The following SLX4 variants were observed in gnomAD, a reference collection of about 807,000 sequenced individuals.
The protein encoded by SLX4 is SLX4 structure-specific endonuclease subunit, also known as structure-specific endonuclease subunit SLX4.
SLX4 carries 112 observed loss-of-function variants against 146.2 expected under a neutral mutation model. That is an observed-to-expected ratio of 0.77 (90% CI 0.66 to 0.90). The LOEUF is 0.90. Ranked by LOEUF, SLX4 falls within the 40% of genes least tolerant of loss-of-function variation. The pLI is 0.00. For synonymous variants in SLX4, 1,061 were observed against 997.7 expected, an observed-to-expected ratio of 1.06 and a Z score of -1.20; for missense variants, 2,563 against 2,392.7, an observed-to-expected ratio of 1.07 and a Z score of -1.49.
At position 3,608,958 on chromosome 16, in the gene SLX4, G is replaced by C. The variant is rs751472980; in HGVS notation, c.7C>G (p.Leu3Val). The stretch of plus-strand genomic sequence containing the variant: ...CCTAGCTGAGCCTCATTCACACTCA[G>C]TTTCATTAGGGTTCTTCTCTACTTC... MK[L>V]SVNEAQLGFY... The change falls in exon 2 of 15, where the codon CTG becomes GTG. Residue 3 changes from leucine (L) to valine (V), a missense_variant. Coordinates refer to ENST00000294008, the MANE Select transcript of SLX4 (RefSeq NM_032444.4). 1 of 1,612,988 alleles carries C rather than the reference G, an allele frequency of 6.2e-7. No homozygotes were observed.
rs2151128575 is a variant in SLX4 at position 3,594,584 on chromosome 16, G to A, written c.2029C>T (p.Leu677=). ...ACCATGGCGCCAAAGTCAGCAACCA[G>A]CAGCCCGAGGGAGAGCTGAAGCAGG... is the stretch of plus-strand genomic sequence containing the variant. ...GGRTLLSLGL[L]VADFGAMVNN... Residue 677 remains leucine, a synonymous_variant, in exon 10 of 15, where the codon CTG becomes TTG. Coordinates refer to ENST00000294008, the MANE Select transcript of SLX4 (RefSeq NM_032444.4). The A allele has an allele frequency of 1.2e-6, 2 of 1,614,122 alleles. No homozygotes were observed. The highest frequency in any genetic ancestry group is 1.7e-4 in the Middle Eastern group (1 of 6,060).
chr16:3,604,615 G>A (rs2040763139), intron 3 of SLX4, among the ~76,000 whole-genome samples: 2 of 152,082 alleles, frequency 1.3e-5, no homozygotes, highest in African/African-American at 2.4e-5. Flanking sequence ...AAGGTCAGGA[G>A]TTCCAGAACA....
rs114744903 is a variant in SLX4 at position 3,606,516 on chromosome 16, T to C, written c.718A>G (p.Asn240Asp). The C allele has an allele frequency of 7.7e-4, 1,250 of 1,614,182 alleles. 7 individuals are homozygous for C. The African/African-American group carries it at 0.015, about 19-fold the overall frequency. The change falls in exon 3 of 15, where the codon AAT (asparagine) becomes GAT (aspartate). Residue 240 changes from asparagine to aspartate, a missense_variant. Asn to Asp is a conservative substitution (Grantham distance 23). Coordinates refer to ENST00000294008, the MANE Select transcript of SLX4 (RefSeq NM_032444.4). ...ECSLEAAREE[N>D]VPKDPQEEMM... ...TCCTCTTGAGGATCCTTTGGGACAT[T>C]TTCTTCCCGCGCAGCCTCGAGGGAG...
rs1284464797 is a variant in SLX4, at chr16:3,589,694, G to A, written c.3944C>T (p.Thr1315Ile). 1 of 1,613,968 alleles carries A rather than the reference G, an allele frequency of 6.2e-7. No homozygotes were observed. Among genetic ancestry groups the A allele is most frequent in the South Asian group, 1.1e-5 (1 of 91,080 alleles). Reference sequence around the variant, plus strand: ...TGAGGACGGTGTCTGGGGCGGTGGTGTCTGGGGCCTGATGACAGAAAACTT... The same window carrying A: ...TGAGGACGGTGTCTGGGGCGGTGGTATCTGGGGCCTGATGACAGAAAACTT... ...AQKFSVIRPQTPPPQTPSSCL... is the reference protein window; with the variant it reads ...AQKFSVIRPQIPPPQTPSSCL... The change falls in exon 12 of 15, where the codon ACA becomes ATA. Residue 1315 changes from threonine (T) to isoleucine (I), a missense_variant. Coordinates refer to ENST00000294008, the MANE Select transcript of SLX4 (RefSeq NM_032444.4). The surrounding 1 kb of genome is among the most constrained non-coding windows in gnomAD (Gnocchi z 6.2).
At chr16:3,603,773 T>TG (rs1263874546) in intron 3 of SLX4, among the ~76,000 whole-genome samples, 1 of 152,238 alleles carries the variant, frequency 6.6e-6, no homozygotes, top group Non-Finnish European at 1.5e-5. Flanking sequence ...ACAGCAGCTA[T>TG]GGGGCACTGT....
At chr16:3,595,268 G>A (rs1296592886) in intron 9 of SLX4, among the ~76,000 whole-genome samples, 3 of 152,226 alleles carry the variant, frequency 2.0e-5, no homozygotes, top group Admixed American at 1.3e-4. Context: ...GAGCGTGCCT[G>A]GATGGGGCAA....
rs750627839 is a variant in SLX4, at chr16:3,595,667, G to C, written c.1951C>G (p.Pro651Ala). 4 of 1,614,114 alleles carry C rather than the reference G, an allele frequency of 2.5e-6. No homozygotes were observed. The highest frequency in any genetic ancestry group is 1.6e-4 in the Middle Eastern group (1 of 6,062). ...GATGGCACCACAAACCCAGTCAGAG[G>C]AAGGCCGCCGGGCACCACGTCCAAC... ...AGLDVVPGGL[P>A]LTGFVVPSQD... is the part of the protein sequence containing the mutation. Residue 651 changes from proline (P) to alanine (A), a missense_variant, in exon 9 of 15, where the codon CCT becomes GCT. Physicochemically the swap from Pro to Ala is conservative, Grantham distance 27 (BLOSUM62 -1). Transcript: ENST00000294008.
Position 3,589,879 on chromosome 16 carries a change from G to T in SLX4, c.3759C>A (p.Thr1253=). ...GCGGGGTGGCGGGCACCAGCCACGA[G>T]GTGTCTGTGGTGCTGGCCTCGCTGG... ...SSPSEASTTD[T]SWLVPATPLA... is the part of the protein sequence containing the mutation. The change falls in exon 12 of 15, where the codon ACC becomes ACA. Residue 1253 remains threonine, a synonymous_variant. Coordinates refer to ENST00000294008, the MANE Select transcript of SLX4 (RefSeq NM_032444.4). This position sits in a 1 kb window ranked among gnomAD's most constrained non-coding sequence, Gnocchi z 6.2. 6.2e-7 allele frequency: 1 copy of T among 1,613,768 alleles called. No homozygotes were observed. The highest frequency in any genetic ancestry group is 8.5e-7 in the Non-Finnish European group (1 of 1,180,028).
In SLX4 at chr16:3,605,099, T is replaced by A. The variant is rs572728754; in HGVS notation, c.760+1375A>T. ...TCATGCCCAGCTAATTAAAAAAAAA[T>A]TTTTTTTTGAGTCAGAGTCTTGCTC... On this transcript the variant is annotated intron_variant, in intron 3 of 14. Coordinates refer to ENST00000294008, the MANE Select transcript of SLX4 (RefSeq NM_032444.4). Among the ~76,000 whole-genome samples the A allele has an allele frequency of 3.1e-3, 474 of 150,888 alleles. 3 individuals carry two copies. The highest frequency in any genetic ancestry group is 5.8e-3 in the Admixed American group (88 of 15,158).
In SLX4 at chr16:3,597,422, G is replaced by A. The variant is rs755156257; in HGVS notation, c.1640C>T (p.Thr547Met). 1.6e-5 allele frequency: 25 copies of A among 1,605,064 alleles called. No homozygotes were observed. Among genetic ancestry groups the A allele is most frequent in the Middle Eastern group, 1.7e-4 (1 of 6,044 alleles). The change falls in exon 7 of 15, where the codon ACG (threonine) becomes ATG (methionine). Residue 547 changes from threonine (T) to methionine (M), a missense_variant. Coordinates refer to ENST00000294008, the MANE Select transcript of SLX4 (RefSeq NM_032444.4). This position sits in a 1 kb window ranked among gnomAD's most constrained non-coding sequence, Gnocchi z 4.4. ...CACGAGAGGAGGGACCAGCCTGGCC[G>A]TGTAGAAGTCCTCCATGGCCCAGGC... ...TGAWAMEDFY[T>M]ARLVPPLVPQ...
intron 1 of SLX4, among the ~76,000 whole-genome samples, chr16:3,611,231 G>A (rs1013121140): frequency 6.6e-6 from 1 of 152,212 alleles, no homozygotes; most frequent in Non-Finnish European, 1.5e-5. Context: ...AGGGGCTGAG[G>A]GGTTCCCCGT....
chr16:3,591,214 G>C lies in SLX4; in HGVS notation c.2424C>G (p.Cys808Trp). 1 of 1,613,798 alleles carries C rather than the reference G, an allele frequency of 6.2e-7. No homozygotes were observed. Among genetic ancestry groups the C allele is most frequent in the Non-Finnish European group, 8.5e-7 (1 of 1,180,024 alleles). Residue 808 changes from cysteine (C) to tryptophan (W), a missense_variant, in exon 12 of 15, where the codon TGC becomes TGG. Coordinates refer to ENST00000294008, the MANE Select transcript of SLX4 (RefSeq NM_032444.4). ...KPWEEKEAENCESRAENFQEL... is the reference protein window; with the variant it reads ...KPWEEKEAENWESRAENFQEL... Reference sequence around the variant, plus strand: ...CCTGGAAATTCTCGGCCCTGCTTTCGCAATTCTCTGCTTCCTTCTCCTCCC... The same window carrying C: ...CCTGGAAATTCTCGGCCCTGCTTTCCCAATTCTCTGCTTCCTTCTCCTCCC...
rs2151115165 is a variant in SLX4 at position 3,582,152 on chromosome 16, G to GA, written c.*189dup. On this transcript the variant is annotated 3_prime_UTR_variant, in exon 15 of 15. Coordinates refer to ENST00000294008, the MANE Select transcript of SLX4 (RefSeq NM_032444.4). Reference sequence around the variant, plus strand: ...GTGACATGCTCCAAATGCCACCCTAGAAAGCAGAGCCCAGAGGAGGAAGCC... The same window carrying GA: ...GTGACATGCTCCAAATGCCACCCTAGAAAAGCAGAGCCCAGAGGAGGAAGCC... 1.6e-6 allele frequency: 1 copy of GA among 606,768 alleles called. No individual in the cohort carries two copies. The highest frequency in any genetic ancestry group is 2.7e-5 in the East Asian group (1 of 36,368). The allele number at this position is 606,768 out of a possible 1,614,324, so 37.6% of individuals were successfully genotyped here. A position where few individuals can be genotyped will look rare whatever the true frequency, so the allele number is the denominator to read the frequency against.
At chr16:3,587,664 G>A (rs2040523184) in intron 12 of SLX4, among the ~76,000 whole-genome samples, 1 of 151,796 alleles carries the variant, frequency 6.6e-6, no homozygotes, top group Non-Finnish European at 1.5e-5. Flanking sequence ...AGCACTGCCT[G>A]GGAACTGGTT....
chr16:3,588,331 T>G (rs368382939), intron 12 of SLX4, among the ~76,000 whole-genome samples: 19 of 152,256 alleles, frequency 1.2e-4, no homozygotes, highest in African/African-American at 4.3e-4. Flanking sequence ...AGACAGTACA[T>G]GACCTTCTAT....
At chr16:3,594,715 A>G in intron 9 of SLX4, 116 bp from the exon 10 acceptor site, 1 of 1,398,276 alleles carries the variant, frequency 7.2e-7, no homozygotes, top group African/African-American at 1.4e-5. Context: ...CAGGACCTGC[A>G]TTCTCCTTTC....
At chr16:3,602,453 C>A (rs888102209) in intron 3 of SLX4, 146 bp from the exon 4 acceptor site, 19 of 911,336 alleles carry the variant, frequency 2.1e-5, no homozygotes, top group Non-Finnish European at 3.3e-5. Flanking sequence ...AGGCTGGTGA[C>A]TTGGACACTG....
At chr16:3,588,972 T>C in intron 12 of SLX4, 30 bp downstream of exon 12, 2 of 1,613,522 alleles carry the variant, frequency 1.2e-6, no homozygotes, top group Non-Finnish European at 1.7e-6. Flanking sequence ...ACAAAGACAG[T>C]CCCCTTCCCC....
Position 3,596,319 on chromosome 16 carries a change from A to G in SLX4, c.1758T>C (p.Ala586=). The change falls in exon 8 of 15, where the codon GCT becomes GCC. Residue 586 remains alanine, a synonymous_variant. Coordinates refer to ENST00000294008, the MANE Select transcript of SLX4 (RefSeq NM_032444.4). The stretch of plus-strand genomic sequence containing the variant: ...AGCCTGCAGTGGGGGTGCCGTGGAG[A>G]GCGGGTGACCTTCGCTCGCTCAGCT... ...HSELSERRSP[A]LHGTPTAGCG... 1.9e-6 allele frequency: 3 copies of G among 1,582,876 alleles called. No homozygotes were observed. Among genetic ancestry groups the G allele is most frequent in the Non-Finnish European group, 2.6e-6 (3 of 1,165,082 alleles).
Sources: gnomAD v4.1 joint callset for allele counts (sites outside exome capture counted in the v4.1 genomes callset) on GRCh38, gnomAD v4.1.1 for gene constraint, Gnocchi (gnomAD v3.1) non-coding constraint, MANE v1.5 for transcripts, NCBI Gene and HGNC (gene_info 2026-07-23, HGNC 2026-07-21) for gene names.